RAB3C: variants seen among roughly 807,000 people sequenced by gnomAD.
RAB3C encodes ras-related protein Rab-3C.
Under a neutral mutation model 26.4 loss-of-function variants are expected in RAB3C, and 17 were observed. The observed-to-expected ratio is 0.64, with a 90% CI of 0.44 to 0.97. The LOEUF (loss-of-function observed/expected upper bound fraction) is 0.97, where lower values mean the gene tolerates loss of function less well. RAB3C is among the 50% of genes least tolerant of loss of function. The pLI is 0.00. For missense variants in RAB3C, 242 were observed against 281.9 expected, an observed-to-expected ratio of 0.86 and a Z score of 1.01; for synonymous variants, 91 against 95.9, an observed-to-expected ratio of 0.95 and a Z score of 0.30.
At chr5:58,764,166 C>G (rs1741851370) in intron 3 of RAB3C, among the ~76,000 whole-genome samples, 1 of 152,162 alleles carries the variant, frequency 6.6e-6, no homozygotes, top group South Asian at 2.1e-4. Context: ...CAGTATCAAA[C>G]TTCAGAGAGG....
chr5:58,803,878 G>C (rs1451807102), intron 3 of RAB3C, among the ~76,000 whole-genome samples: 1 of 152,014 alleles, frequency 6.6e-6, no homozygotes, highest in Non-Finnish European at 1.5e-5. Context: ...GGCCAACATA[G>C]TGAAACCCCG....
intron 2 of RAB3C, among the ~76,000 whole-genome samples, chr5:58,628,597 C>T (rs1747116976): frequency 6.6e-6 from 1 of 152,190 alleles, no homozygotes; most frequent in Non-Finnish European, 1.5e-5. Context: ...CTTGCCTGTG[C>T]TTCTCATGGG....
At chr5:58,658,159 A>G (rs1747821220) in intron 2 of RAB3C, among the ~76,000 whole-genome samples, 1 of 152,236 alleles carries the variant, frequency 6.6e-6, no homozygotes, top group Non-Finnish European at 1.5e-5. Flanking sequence ...ATATCGGGTC[A>G]TTTAATCCTC....
At chr5:58,680,317 A>G (rs968643114) in intron 2 of RAB3C, among the ~76,000 whole-genome samples, 4 of 152,344 alleles carry the variant, frequency 2.6e-5, no homozygotes, top group African/African-American at 9.6e-5. Context: ...AAAAACTTAT[A>G]TTGCCTAGAA....
Position 58,745,095 on chromosome 5 carries a change from A to G in RAB3C, c.371+18975A>G, listed in dbSNP as rs148729940. 2.8e-3 allele frequency among the ~76,000 whole-genome samples: 420 copies of G among 151,958 alleles called. 1 individual carries two copies. The highest frequency in any genetic ancestry group is 9.4e-3 in the African/African-American group (391 of 41,442). On this transcript the variant is annotated intron_variant, in intron 3 of 4. Transcript: ENST00000282878. ...TTAAAGCCCCCATTCCCCGAGACCA[A>G]CTGTTCAGAAAGTAGATGGGGGCCG... is the stretch of plus-strand genomic sequence containing the variant.
intron 4 of RAB3C, among the ~76,000 whole-genome samples, chr5:58,825,802 G>A (rs1237884967): frequency 6.6e-6 from 1 of 152,120 alleles, no homozygotes. Context: ...GAGTGAGAAG[G>A]GTAGAGATTT....
chr5:58,710,995 T>C (rs1299335958), intron 2 of RAB3C, among the ~76,000 whole-genome samples: 2 of 152,220 alleles, frequency 1.3e-5, no homozygotes, highest in Non-Finnish European at 2.9e-5. Flanking sequence ...AGGCCCTTTG[T>C]TTCCATGAGG....
intron 1 of RAB3C, among the ~76,000 whole-genome samples, chr5:58,604,344 C>T (rs571499695): frequency 5.8e-4 from 89 of 152,254 alleles, no homozygotes; most frequent in African/African-American, 1.7e-3. Flanking sequence ...GGAGAGGGAC[C>T]GGCGGTAGGC....
At chr5:58,702,410 A>G (rs1748863658) in intron 2 of RAB3C, among the ~76,000 whole-genome samples, 1 of 152,144 alleles carries the variant, frequency 6.6e-6, no homozygotes, top group Non-Finnish European at 1.5e-5. Context: ...CTTGCCCTAC[A>G]AAGCTTACAT....
At chr5:58,841,983 C>A (rs1478743945) in intron 4 of RAB3C, among the ~76,000 whole-genome samples, 2 of 152,074 alleles carry the variant, frequency 1.3e-5, no homozygotes. Context: ...TAAGGGATAC[C>A]ATTGAGTAAG....
At chr5:58,644,783 A>T (rs987958878) in intron 2 of RAB3C, among the ~76,000 whole-genome samples, 1 of 152,186 alleles carries the variant, frequency 6.6e-6, no homozygotes, top group Non-Finnish European at 1.5e-5. Context: ...AAGCGTTACC[A>T]TGCACACTTG....
chr5:58,623,975 G>A (rs566796815), intron 2 of RAB3C, among the ~76,000 whole-genome samples: 14 of 152,292 alleles, frequency 9.2e-5, no homozygotes, highest in African/African-American at 3.4e-4. Flanking sequence ...GAGCTGTTAA[G>A]TATTTGCTAT....
chr5:58,735,702 G>T (rs1360071861), intron 3 of RAB3C, among the ~76,000 whole-genome samples: 1 of 152,056 alleles, frequency 6.6e-6, no homozygotes, highest in Non-Finnish European at 1.5e-5. Flanking sequence ...TTTGAGGGAG[G>T]ATAAGTAAGA....
intron 3 of RAB3C, among the ~76,000 whole-genome samples, chr5:58,735,035 A>G (rs1459694150): frequency 2.0e-5 from 3 of 152,184 alleles, no homozygotes; most frequent in Admixed American, 2.0e-4. Flanking sequence ...CTCAGGACCA[A>G]CTATTCTCTG....
chr5:58,782,244 T>C (rs757367436), intron 3 of RAB3C, among the ~76,000 whole-genome samples: 2 of 152,138 alleles, frequency 1.3e-5, no homozygotes, highest in Non-Finnish European at 1.5e-5. Flanking sequence ...CAGGCGAGGC[T>C]TGGAAGAGAA....
chr5:58,611,053 A>T (rs976091376), intron 1 of RAB3C, among the ~76,000 whole-genome samples: 3 of 152,182 alleles, frequency 2.0e-5, no homozygotes, highest in Admixed American at 6.6e-5. Context: ...AATGGCCTCC[A>T]GCTCCATCCC....
At chr5:58,705,277 C>A (rs1161753295) in intron 2 of RAB3C, among the ~76,000 whole-genome samples, 1 of 152,104 alleles carries the variant, frequency 6.6e-6, no homozygotes, top group African/African-American at 2.4e-5. Context: ...GGCAAAGCAA[C>A]CTTTACCTTC....
intron 1 of RAB3C, among the ~76,000 whole-genome samples, chr5:58,586,022 C>A (rs563680620): frequency 6.6e-6 from 1 of 152,082 alleles, no homozygotes; most frequent in East Asian, 1.9e-4. Context: ...CTCTGGTTAA[C>A]AAATTGTCAT....
At chr5:58,798,056 ATTAAAC>A (rs1742715206) in intron 3 of RAB3C, among the ~76,000 whole-genome samples, 1 of 150,808 alleles carries the variant, frequency 6.6e-6, no homozygotes, top group Admixed American at 6.7e-5. Context: ...ATTATAACAC[ATTAAAC>A]TTAAAGAGTA....
Sources: gnomAD v4.1 joint callset for allele counts (sites outside exome capture counted in the v4.1 genomes callset) on GRCh38, gnomAD v4.1.1 for gene constraint, MANE v1.5 for transcripts, NCBI Gene and HGNC (gene_info 2026-07-23, HGNC 2026-07-21) for gene names.